Variants in NAP1L4 observed in about 807,000 individuals in gnomAD.
NAP1L4 encodes the protein nucleosome assembly protein 1 like 4.
In NAP1L4, 15 loss-of-function variants were observed where a neutral mutation model predicts 58.2. The ratio of observed to expected loss-of-function variants is 0.26; its 90% CI spans 0.17 to 0.40. NAP1L4 has a LOEUF of 0.40. Ranked by LOEUF, NAP1L4 falls within the 10% of genes least tolerant of loss-of-function variation. The pLI is 1.00. For synonymous variants in NAP1L4, 171 were observed against 155.6 expected (o/e 1.10, Z -0.74); for missense variants, 384 against 451.1 (o/e 0.85, Z 1.35).
intron 1 of NAP1L4, among the ~76,000 whole-genome samples, chr11:2,983,592 GA>G (rs545028521): frequency 0.021 from 2,966 of 141,864 alleles, 99 homozygotes; most frequent in African/African-American, 0.071. Flanking sequence ...CGGTATTCTG[GA>G]AAAAAAAAAA....
Position 2,945,605 on chromosome 11 carries a change from T to C in NAP1L4, c.*74A>G. ...CGGTCTGCCAGGCACCCGCCTCCGC[T>C]TCCTACTGCTGCTTGCATTCCGCCG... On this transcript the variant is annotated 3_prime_UTR_variant, in exon 16 of 16. Transcript: ENST00000380542. The C allele has an allele frequency of 6.5e-7, 1 of 1,536,036 alleles. No homozygotes were observed.
Position 2,972,142 on chromosome 11 carries a change from T to C in NAP1L4, c.275A>G (p.Glu92Gly). ...AKFYEEVHDL[E>G]RKYAALYQPL... ...CTGGTATAGCGCTGCATACTTTCTT[T>C]CCAAGTCATGTACCTCTTCATAGAA... is the stretch of plus-strand genomic sequence containing the variant. Residue 92 changes from glutamate to glycine, a missense_variant, in exon 5 of 16, where the codon GAA (glutamate) becomes GGA (glycine). Glu to Gly is a moderately conservative substitution (Grantham distance 98). This residue lies in a region of NAP1L4 where 296 missense variants were observed against 360.8 expected (regional missense o/e 0.82). Transcript: ENST00000380542. 6.2e-7 allele frequency: 1 copy of C among 1,602,018 alleles called. No individual in the cohort carries two copies. Among genetic ancestry groups the C allele is most frequent in the Non-Finnish European group, 8.5e-7 (1 of 1,176,746 alleles).
intron 6 of NAP1L4, among the ~76,000 whole-genome samples, chr11:2,970,637 G>A (rs1847583822): frequency 6.6e-6 from 1 of 152,058 alleles, no homozygotes; most frequent in Admixed American, 6.6e-5. Flanking sequence ...TGCAACTATG[G>A]GAAATTCTGA....
intron 8 of NAP1L4, chr11:2,963,863 C>G: frequency 1.9e-6 from 1 of 519,306 alleles, no homozygotes; most frequent in Admixed American, 1.9e-5. Context: ...CCATTAGCTA[C>G]AGCCAGGCTA....
intron 7 of NAP1L4, among the ~76,000 whole-genome samples, chr11:2,965,515 C>G (rs945009993): frequency 1.3e-5 from 2 of 152,180 alleles, no homozygotes; most frequent in Non-Finnish European, 2.9e-5. Flanking sequence ...TTATGTGGCT[C>G]ATGACTGTAT....
chr11:2,985,311 A>G (rs187384465), intron 1 of NAP1L4, among the ~76,000 whole-genome samples: 15 of 152,322 alleles, frequency 9.8e-5, no homozygotes, highest in Admixed American at 2.6e-4. Context: ...CAGCACCACA[A>G]ATTATTTTTG....
chr11:2,966,866 T>A (rs1358212395), intron 7 of NAP1L4, among the ~76,000 whole-genome samples: 1 of 152,192 alleles, frequency 6.6e-6, no homozygotes, highest in African/African-American at 2.4e-5. Context: ...TATGTTCTAA[T>A]TTCCTCAAGC....
intron 1 of NAP1L4, among the ~76,000 whole-genome samples, chr11:2,988,595 T>C (rs1238958436): frequency 3.3e-5 from 5 of 152,238 alleles, no homozygotes; most frequent in Admixed American, 6.5e-5. Context: ...TTTTAATTAT[T>C]ATACTTAAAA....
intron 1 of NAP1L4, among the ~76,000 whole-genome samples, chr11:2,987,464 G>C (rs541300451): frequency 3.3e-5 from 5 of 150,956 alleles, no homozygotes; most frequent in African/African-American, 1.2e-4. Context: ...ATGTTTAAAA[G>C]CAATGAATAG....
intron 5 of NAP1L4, 74 bp downstream of exon 5, chr11:2,972,028 T>A: frequency 7.1e-7 from 1 of 1,409,172 alleles, no homozygotes; most frequent in Non-Finnish European, 9.4e-7. Context: ...TGTCAACTTA[T>A]AATGGGTTTA....
chr11:2,963,842 C>T (rs374505559), intron 8 of NAP1L4: 13 of 519,140 alleles, frequency 2.5e-5, no homozygotes, highest in African/African-American at 1.2e-4. Context: ...GCTATTGCAC[C>T]GGAATGGAAC....
Position 2,954,812 on chromosome 11 carries a change from A to G in NAP1L4, c.916-166T>C, listed in dbSNP as rs549453546. On this transcript the variant is annotated intron_variant, in intron 11 of 15. Coordinates refer to ENST00000380542, the MANE Select transcript of NAP1L4 (RefSeq NM_005969.4). This position sits in a 1 kb window ranked among gnomAD's most constrained non-coding sequence, Gnocchi z 4.8. Reference sequence around the variant, plus strand: ...ACTAGACACTCAAAGCCCCTTTAAAACAACTTTAAGTAGCTTTAAAGAGCT... The same window carrying G: ...ACTAGACACTCAAAGCCCCTTTAAAGCAACTTTAAGTAGCTTTAAAGAGCT... 235 of 856,992 alleles carry G rather than the reference A, an allele frequency of 2.7e-4. 5 individuals carry two copies. The South Asian group carries it at 3.6e-3, about 13-fold the overall frequency. The allele number at this position is 856,992 out of a possible 1,614,324, so 53.1% of individuals were successfully genotyped here. A position where few individuals can be genotyped will look rare whatever the true frequency, so the allele number is the denominator to read the frequency against.
At chr11:2,961,255 A>C (rs1482177037) in intron 8 of NAP1L4, among the ~76,000 whole-genome samples, 1 of 152,190 alleles carries the variant, frequency 6.6e-6, no homozygotes, top group Non-Finnish European at 1.5e-5. Flanking sequence ...GCGGGGCATG[A>C]GGGCTTAGGA....
rs61871235 is a variant in NAP1L4 at position 2,958,559 on chromosome 11, C to A, written c.747-15G>T. 9,767 of 1,611,230 alleles carry A rather than the reference C, an allele frequency of 6.1e-3. 47 individuals carry two copies. Among genetic ancestry groups the A allele is most frequent in the Non-Finnish European group, 7.0e-3 (8,284 of 1,178,872 alleles). On this transcript the variant is annotated splice_polypyrimidine_tract_variant and intron_variant, in intron 9 of 15. Coordinates refer to ENST00000380542, the MANE Select transcript of NAP1L4 (RefSeq NM_005969.4). ...CAATAGTACACCTACCAGGACAAGA[C>A]AGCTGTCAGGAACACACAATCCATG...
At chr11:2,983,274 T>C (rs1247038412) in intron 1 of NAP1L4, among the ~76,000 whole-genome samples, 1 of 152,206 alleles carries the variant, frequency 6.6e-6, no homozygotes, top group Non-Finnish European at 1.5e-5. Flanking sequence ...GAGGTTCACC[T>C]TCCCATGGAA....
intron 1 of NAP1L4, among the ~76,000 whole-genome samples, chr11:2,982,300 GCTCT>G (rs1288010550): frequency 6.6e-6 from 1 of 152,136 alleles, no homozygotes. Context: ...CTTAATTGAA[GCTCT>G]CTATTGCCTA....
chr11:2,984,501 G>A (rs1405793072), intron 1 of NAP1L4, among the ~76,000 whole-genome samples: 1 of 152,146 alleles, frequency 6.6e-6, no homozygotes, highest in Non-Finnish European at 1.5e-5. Flanking sequence ...AACCCAGGAG[G>A]CGGAAGTTGC....
rs1712309547 is a variant in NAP1L4 at position 2,948,738 on chromosome 11, T to TC, written c.*32+488dup. Among the ~76,000 whole-genome samples the TC allele has an allele frequency of 1.3e-5, 2 of 152,242 alleles. No individual in the cohort carries two copies. Among genetic ancestry groups the TC allele is most frequent in the South Asian group, 4.1e-4 (2 of 4,828 alleles). On this transcript the variant is annotated intron_variant, in intron 15 of 15. Coordinates refer to ENST00000380542, the MANE Select transcript of NAP1L4 (RefSeq NM_005969.4). The surrounding 1 kb of genome is among the most constrained non-coding windows in gnomAD (Gnocchi z 5.1). ...CTGGCACAGTAAAAGCTGTTACCCCTCTGTGTACCTATTGGTCTGCACAAA... is the reference window on the plus strand; with the variant it reads ...CTGGCACAGTAAAAGCTGTTACCCCTCCTGTGTACCTATTGGTCTGCACAAA...
chr11:2,988,472 C>T (rs148352995), intron 1 of NAP1L4, among the ~76,000 whole-genome samples: 112 of 152,312 alleles, frequency 7.4e-4, no homozygotes, highest in African/African-American at 2.5e-3. Flanking sequence ...TTTTATTCTG[C>T]GGGAGGCCCC....
Sources: gnomAD v4.1 joint callset for allele counts (sites outside exome capture counted in the v4.1 genomes callset) on GRCh38, gnomAD v4.1.1 for gene constraint, gnomAD v4.1.1 regional missense constraint, Gnocchi (gnomAD v3.1) non-coding constraint, MANE v1.5 for transcripts, NCBI Gene and HGNC (gene_info 2026-07-23, HGNC 2026-07-21) for gene names.